The following NKTR variants were observed in gnomAD, a reference collection of about 807,000 sequenced individuals.
NKTR encodes NK-tumor recognition protein.
In NKTR, 67 loss-of-function variants were observed where a neutral mutation model predicts 156.3. That is an observed-to-expected ratio of 0.43 (90% CI 0.35 to 0.53). NKTR has a LOEUF of 0.53. NKTR is among the 20% of genes least tolerant of loss of function. The probability of loss-of-function intolerance (pLI) is 0.01; values close to 1 mark genes in which losing one functional copy is unlikely to be tolerated. For missense variants in NKTR, 1,604 were observed against 1,730.9 expected, an observed-to-expected ratio of 0.93 and a Z score of 1.30; for synonymous variants, 640 against 596.6, an observed-to-expected ratio of 1.07 and a Z score of -1.06.
intron 5 of NKTR, chr3:42,620,380 G>A (rs1223782140): frequency 2.9e-6 from 3 of 1,045,226 alleles, no homozygotes; most frequent in Non-Finnish European, 1.2e-6. Flanking sequence ...CATAATAGTA[G>A]CATCTGCATA....
At chr3:42,609,348 T>G (rs1328316658) in intron 2 of NKTR, among the ~76,000 whole-genome samples, 1 of 152,166 alleles carries the variant, frequency 6.6e-6, no homozygotes, top group Non-Finnish European at 1.5e-5. Flanking sequence ...GTAATGGTTT[T>G]GGATTTAAGT....
chr3:42,632,518 A>G (rs1252483975), intron 8 of NKTR, 83 bp from the exon 9 acceptor site: 1 of 795,284 alleles, frequency 1.3e-6, no homozygotes, highest in Non-Finnish European at 2.0e-6. Context: ...AGCATATTTT[A>G]TGATATTCAG....
intron 12 of NKTR, 119 bp from the exon 13 acceptor site, chr3:42,636,749 T>C: frequency 1.5e-6 from 2 of 1,378,146 alleles, no homozygotes; most frequent in Non-Finnish European, 9.5e-7. Flanking sequence ...TGATTCACGC[T>C]TCCTGCGTGT....
chr3:42,600,873 G>C (rs997010886), intron 1 of NKTR, 95 bp downstream of exon 1: 79 of 621,136 alleles, frequency 1.3e-4, no homozygotes, highest in Non-Finnish European at 1.9e-4. Context: ...CTGTCGCGAC[G>C]GGCCGGCGTG....
chr3:42,620,060 C>T, intron 5 of NKTR: 1 of 1,534,210 alleles, frequency 6.5e-7, no homozygotes, highest in East Asian at 2.5e-5. Flanking sequence ...GAACGAAGCT[C>T]AGTAACACAA....
At chr3:42,627,320 A>G in intron 6 of NKTR, 41 of 985,470 alleles carry the variant, frequency 4.2e-5, no homozygotes, top group Non-Finnish European at 4.9e-5. Context: ...AGAAAAAAAA[A>G]AACTTTCTGC....
chr3:42,614,131 T>C (rs1707113511), intron 2 of NKTR, among the ~76,000 whole-genome samples: 1 of 152,222 alleles, frequency 6.6e-6, no homozygotes, highest in African/African-American at 2.4e-5. Flanking sequence ...TAAATTCCAC[T>C]AAATTATAAA....
chr3:42,643,658 A>G, intron 15 of NKTR: 1 of 657,348 alleles, frequency 1.5e-6, no homozygotes, highest in Non-Finnish European at 2.7e-6. Context: ...GGTTCAAACT[A>G]ACTCGTTAAC....
rs745912907 is a variant in NKTR, at chr3:42,643,936, C to T, written c.4234C>T (p.Arg1412Trp). The stretch of plus-strand genomic sequence containing the variant: ...CTACGATAGCTACTATAGCAGGAGT[C>T]GGAGTCGAAGTAGAAGCCAGAGAAG... ...YTYDSYYSRS[R>W]SRSRSQRSDS... The change falls in exon 16 of 17, where the codon CGG becomes TGG. Residue 1412 changes from arginine (R) to tryptophan (W), a missense_variant. Coordinates refer to ENST00000232978, the MANE Select transcript of NKTR (RefSeq NM_005385.4). The T allele has an allele frequency of 6.2e-6, 10 of 1,613,778 alleles. No homozygotes were observed. The highest frequency in any genetic ancestry group is 2.2e-5 in the East Asian group (1 of 44,880).
Position 42,619,154 on chromosome 3 carries a change from A to C in NKTR, c.241+27A>C, listed in dbSNP as rs779148401. 3 of 1,589,744 alleles carry C rather than the reference A, an allele frequency of 1.9e-6. No individual in the cohort carries two copies. In the Admixed American group the frequency reaches 5.8e-5, roughly 31 times the overall value. On this transcript the variant is annotated intron_variant, in intron 4 of 16. Transcript: ENST00000232978. ...TAGAGCTAAAAGTTGTGTTCCTAAT[A>C]ACTCCATCTATCAGTTTTTAAAGTA... is the stretch of plus-strand genomic sequence containing the variant.
Position 42,638,776 on chromosome 3 carries a change from AGAG to A in NKTR, c.3085_3087del (p.Glu1029del), listed in dbSNP as rs748263777. ...GGCAGCCTCCACTAGAATTTGGTGA[AGAG>A]GAGGAGGAGGAGATTGATGACAAGC... On this transcript the variant is annotated inframe_deletion, in exon 13 of 17. Coordinates refer to ENST00000232978, the MANE Select transcript of NKTR (RefSeq NM_005385.4). The A allele has an allele frequency of 1.2e-5, 19 of 1,613,454 alleles. No individual in the cohort carries two copies. The highest frequency in any genetic ancestry group is 6.7e-5 in the Admixed American group (4 of 59,964).
At chr3:42,606,231 A>G (rs1706219101) in intron 2 of NKTR, among the ~76,000 whole-genome samples, 2 of 151,754 alleles carry the variant, frequency 1.3e-5, no homozygotes, top group African/African-American at 4.8e-5. Context: ...TTTTACTGCA[A>G]CTGGAAACTC....
At chr3:42,640,459 GGTTTTACCT>G (rs1238673821) in intron 13 of NKTR, among the ~76,000 whole-genome samples, 1 of 152,092 alleles carries the variant, frequency 6.6e-6, no homozygotes, top group African/African-American at 2.4e-5. Context: ...AATATTTTAT[GGTTTTACCT>G]GTTTCTTAAT....
chr3:42,608,474 G>T (rs1706455239), intron 2 of NKTR, among the ~76,000 whole-genome samples: 1 of 152,118 alleles, frequency 6.6e-6, no homozygotes, highest in Non-Finnish European at 1.5e-5. Context: ...TGCAGAGGGT[G>T]GGGAGATGCA....
At chr3:42,618,811 A>G (rs1707642713) in intron 3 of NKTR, among the ~76,000 whole-genome samples, 1 of 152,130 alleles carries the variant, frequency 6.6e-6, no homozygotes, top group Admixed American at 6.6e-5. Flanking sequence ...TCTGTACCAC[A>G]CAATTTTACA....
intron 2 of NKTR, 161 bp downstream of exon 2, chr3:42,601,225 G>T (rs1360326889): frequency 2.4e-5 from 13 of 549,072 alleles, no homozygotes; most frequent in African/African-American, 1.8e-4. Context: ...AGAGGAAGGT[G>T]GCCTGGGCAC....
intron 6 of NKTR, among the ~76,000 whole-genome samples, chr3:42,623,262 T>G (rs1708076989): frequency 6.6e-6 from 1 of 152,116 alleles, no homozygotes; most frequent in Non-Finnish European, 1.5e-5. Flanking sequence ...ATTATAATTT[T>G]TATACTTATT....
rs760020367 is a variant in NKTR, at chr3:42,638,180, G to A, written c.2476G>A (p.Glu826Lys). 5.6e-6 allele frequency: 9 copies of A among 1,612,070 alleles called. No homozygotes were observed. Among genetic ancestry groups the A allele is most frequent in the African/African-American group, 5.4e-5 (4 of 74,638 alleles). Reference sequence around the variant, plus strand: ...GGCCACACAGTCAGCCCAGGAAAAAGAGAAGCAGGGCCAAATGGAAAGAAC... The same window carrying A: ...GGCCACACAGTCAGCCCAGGAAAAAAAGAAGCAGGGCCAAATGGAAAGAAC... ...VQATQSAQEK[E>K]KQGQMERTHN... The change falls in exon 13 of 17, where the codon GAG becomes AAG. Residue 826 changes from glutamate (E) to lysine (K), a missense_variant. By Grantham distance (56) the Glu-to-Lys change is moderately conservative (BLOSUM62 1). Around this residue, in one of 6 missense-constraint regions of NKTR, gnomAD observed 1,255 missense variants for 1,243.7 expected, o/e 1.01. Transcript: ENST00000232978.
intron 6 of NKTR, among the ~76,000 whole-genome samples, chr3:42,625,609 G>C (rs116622708): frequency 1.3e-5 from 2 of 152,026 alleles, no homozygotes; most frequent in African/African-American, 4.8e-5. Context: ...AACTAGATTC[G>C]GGGTAGAAAT....
Sources: allele counts gnomAD v4.1 joint callset (sites outside exome capture counted in the v4.1 genomes callset), GRCh38; gene constraint gnomAD v4.1.1; regional missense constraint gnomAD v4.1.1; transcripts MANE v1.5; gene names NCBI Gene and HGNC (gene_info 2026-07-23, HGNC 2026-07-21).